CYP27C1: variants seen among roughly 807,000 people sequenced by gnomAD.
The protein encoded by CYP27C1 is cytochrome P450 family 27 subfamily C member 1, also known as cytochrome P450 27C1.
In CYP27C1, 29 loss-of-function variants were observed where a neutral mutation model predicts 40.6. That is an observed-to-expected ratio of 0.71 (90% CI 0.53 to 0.97). CYP27C1 has a LOEUF of 0.97. Ranked by LOEUF, CYP27C1 falls within the 50% of genes least tolerant of loss-of-function variation. The pLI, the probability that CYP27C1 is intolerant of heterozygous loss-of-function variation, is 0.00. For synonymous variants in CYP27C1, 198 were observed against 186.8 expected (o/e 1.06, Z -0.49); for missense variants, 390 against 485.8 (o/e 0.80, Z 1.85).
intron 1 of CYP27C1, among the ~76,000 whole-genome samples, chr2:127,211,241 C>G (rs1441212441): frequency 6.6e-6 from 1 of 152,112 alleles, no homozygotes; most frequent in Non-Finnish European, 1.5e-5. Context: ...AATTGAACAA[C>G]CTGCTCCTGA....
In CYP27C1 at chr2:127,193,140, A is replaced by G. The variant is rs753447517; in HGVS notation, c.1451T>C (p.Ile484Thr). Residue 484 changes from isoleucine (I) to threonine (T), a missense_variant, in exon 8 of 9, where the codon ATA (isoleucine) becomes ACA (threonine). Ile to Thr is a moderately conservative substitution (Grantham distance 89, BLOSUM62 -1). Coordinates refer to ENST00000664447, the MANE Select transcript of CYP27C1 (RefSeq NM_001367502.1). ...IPFGHGVRSCIGRRIAELEIH... is the reference protein window; with the variant it reads ...IPFGHGVRSCTGRRIAELEIH... ...CTCCAGTTCTGCAATTCTCCGCCCTATGCAGCTGCGAACCCCATGACCAAA... is the reference window on the plus strand; with the variant it reads ...CTCCAGTTCTGCAATTCTCCGCCCTGTGCAGCTGCGAACCCCATGACCAAA... 3 of 1,614,172 alleles carry G rather than the reference A, an allele frequency of 1.9e-6. No homozygotes were observed. In the South Asian group the frequency reaches 3.3e-5, roughly 18 times the overall value.
At chr2:127,214,956 G>T (rs754536966) in intron 1 of CYP27C1, among the ~76,000 whole-genome samples, 1 of 151,394 alleles carries the variant, frequency 6.6e-6, no homozygotes, top group Admixed American at 6.6e-5. Flanking sequence ...AGGAAACCCC[G>T]TCTCTACTAA....
At chr2:127,202,998 C>A (rs866256860) in intron 3 of CYP27C1, among the ~76,000 whole-genome samples, 1 of 152,008 alleles carries the variant, frequency 6.6e-6, no homozygotes, top group Admixed American at 6.6e-5. Context: ...GAAACACTGT[C>A]TCTACTAAAA....
At position 127,186,508 on chromosome 2, in the gene CYP27C1, C is replaced by A. The variant is rs781547528; in HGVS notation, c.*763G>T. 1 of 152,002 alleles carries A rather than the reference C, an allele frequency of 6.6e-6. No individual in the cohort carries two copies. The highest frequency in any genetic ancestry group is 1.5e-5 in the Non-Finnish European group (1 of 68,026). 9.4% of individuals were successfully genotyped at this position (152,002 alleles called of 1,614,324 possible). A position where few individuals can be genotyped will look rare whatever the true frequency, so the allele number is the denominator to read the frequency against. ...ACCCAACCTCCTGAGCTCAAACGATCCTCCTGCCTCAGTCTTCCGAGTAAC... is the reference window on the plus strand; with the variant it reads ...ACCCAACCTCCTGAGCTCAAACGATACTCCTGCCTCAGTCTTCCGAGTAAC... On this transcript the variant is annotated 3_prime_UTR_variant, in exon 9 of 9. Transcript: ENST00000664447. This position sits in a 1 kb window ranked among gnomAD's most constrained non-coding sequence, Gnocchi z 4.5.
intron 4 of CYP27C1, among the ~76,000 whole-genome samples, chr2:127,199,825 TATATA>T (rs1682990785): frequency 6.6e-6 from 1 of 152,254 alleles, no homozygotes; most frequent in African/African-American, 2.4e-5. Flanking sequence ...ATAAATTATT[TATATA>T]ATATGAGTAA....
chr2:127,207,167 T>C (rs952550394), intron 1 of CYP27C1, among the ~76,000 whole-genome samples: 1 of 151,942 alleles, frequency 6.6e-6, no homozygotes, highest in Non-Finnish European at 1.5e-5. Flanking sequence ...GAGTTCAAGA[T>C]AAGGTTGGGC....
rs1286058421 is a variant in CYP27C1 at position 127,208,785 on chromosome 2, A to C, written c.283-2695T>G. Among the ~76,000 whole-genome samples the C allele has an allele frequency of 6.6e-6, 1 of 152,170 alleles. No individual in the cohort carries two copies. Among genetic ancestry groups the C allele is most frequent in the Non-Finnish European group, 1.5e-5 (1 of 68,020 alleles). On this transcript the variant is annotated intron_variant, in intron 1 of 8. Transcript: ENST00000664447. The surrounding 1 kb of genome is among the most constrained non-coding windows in gnomAD (Gnocchi z 5.2). ...GTCTAACCCTGATCCATCCTTCCTC[A>C]GTGGCTGGGGATTCCCAGCAGGATC...
rs962143324 is a variant in CYP27C1 at position 127,200,243 on chromosome 2, G to A, written c.884-704C>T. ...GATCCTCCCACCTCGGCCTCCCAAA[G>A]TGCTGGGATTACAGGCGTGAGCCAC... On this transcript the variant is annotated intron_variant, in intron 4 of 8. Transcript: ENST00000664447. This position sits in a 1 kb window ranked among gnomAD's most constrained non-coding sequence, Gnocchi z 4.2. Among the ~76,000 whole-genome samples, 1 of 152,228 alleles carries A rather than the reference G, an allele frequency of 6.6e-6. No homozygotes were observed. The highest frequency in any genetic ancestry group is 1.5e-5 in the Non-Finnish European group (1 of 68,040).
Position 127,200,011 on chromosome 2 carries a change from G to A in CYP27C1, c.884-472C>T, listed in dbSNP as rs1279540306. 1.3e-5 allele frequency among the ~76,000 whole-genome samples: 2 copies of A among 152,212 alleles called. No homozygotes were observed. Among genetic ancestry groups the A allele is most frequent in the East Asian group, 1.9e-4 (1 of 5,184 alleles). On this transcript the variant is annotated intron_variant, in intron 4 of 8. Coordinates refer to ENST00000664447, the MANE Select transcript of CYP27C1 (RefSeq NM_001367502.1). The surrounding 1 kb of genome is among the most constrained non-coding windows in gnomAD (Gnocchi z 4.2). Reference sequence around the variant, plus strand: ...TGTTGTTTCCTTAAGACAGAGGCTCGCTCTGTGGCCCAGGCTGGAGTGCAG... The same window carrying A: ...TGTTGTTTCCTTAAGACAGAGGCTCACTCTGTGGCCCAGGCTGGAGTGCAG...
At chr2:127,216,065 A>G (rs563035257) in intron 1 of CYP27C1, among the ~76,000 whole-genome samples, 3 of 152,336 alleles carry the variant, frequency 2.0e-5, no homozygotes, top group African/African-American at 7.2e-5. Flanking sequence ...ATGTAGAAAA[A>G]TCAGAACCCT....
intron 2 of CYP27C1, among the ~76,000 whole-genome samples, chr2:127,204,552 AGAG>A (rs1558931362): frequency 1.4e-5 from 1 of 71,884 alleles, no homozygotes; most frequent in African/African-American, 5.5e-5. Flanking sequence ...AGAGAGAGAG[AGAG>A]AGAAAGAAAG....
chr2:127,189,621 T>TAATA (rs1682718127), intron 8 of CYP27C1, among the ~76,000 whole-genome samples: 1 of 141,358 alleles, frequency 7.1e-6, no homozygotes, highest in African/African-American at 2.6e-5. Context: ...AAAGTAAAAT[T>TAATA]AAAAAAAAAA....
intron 8 of CYP27C1, 55 bp from the exon 9 acceptor site, chr2:127,187,442 G>A: frequency 6.8e-7 from 1 of 1,475,794 alleles, no homozygotes; most frequent in South Asian, 1.1e-5. Flanking sequence ...AAAATTCTCA[G>A]TGCTCCCTGA....
Position 127,195,648 on chromosome 2 carries a change from A to T in CYP27C1, c.1048-147T>A. The T allele has an allele frequency of 3.0e-6, 2 of 670,436 alleles. No homozygotes were observed. Among genetic ancestry groups the T allele is most frequent in the Non-Finnish European group, 4.8e-6 (2 of 414,730 alleles). 41.5% of individuals were successfully genotyped at this position (670,436 alleles called of 1,614,324 possible). On this transcript the variant is annotated intron_variant, in intron 5 of 8. Transcript: ENST00000664447. The surrounding 1 kb of genome is among the most constrained non-coding windows in gnomAD (Gnocchi z 6.2). ...TCCATATAGCACCTAATGTCTTACT[A>T]AAAACGAAAGACTGTTTCCTTAATT...
intron 1 of CYP27C1, among the ~76,000 whole-genome samples, chr2:127,216,596 G>C (rs1683435330): frequency 6.6e-6 from 1 of 152,096 alleles, no homozygotes; most frequent in Non-Finnish European, 1.5e-5. Context: ...TTCTTTTTGA[G>C]GTCATGAAAA....
At chr2:127,198,537 T>C (rs932705013) in intron 5 of CYP27C1, among the ~76,000 whole-genome samples, 5 of 142,332 alleles carry the variant, frequency 3.5e-5, no homozygotes, top group Non-Finnish European at 6.4e-5. Flanking sequence ...GAAATCATTA[T>C]GCACCTTACA....
At chr2:127,211,361 GTT>G (rs1156982574) in intron 1 of CYP27C1, among the ~76,000 whole-genome samples, 1 of 103,598 alleles carries the variant, frequency 9.7e-6, no homozygotes, top group Non-Finnish European at 1.9e-5. Flanking sequence ...CTAAAGCAGT[GTT>G]TTTTTGTTTT....
rs200533739 is a variant in CYP27C1 at position 127,193,156 on chromosome 2, C to T, written c.1435G>A (p.Gly479Arg). ...DNFGSIPFGH[G>R]VRSCIGRRIA... ...CTCCGCCCTATGCAGCTGCGAACCC[C>T]ATGACCAAAGGGGATGGATCCAAAA... The change falls in exon 8 of 9, where the codon GGG (glycine) becomes AGG (arginine). Residue 479 changes from glycine (G) to arginine (R), a missense_variant. Transcript: ENST00000664447. The T allele has an allele frequency of 6.2e-7, 1 of 1,614,200 alleles. No individual in the cohort carries two copies. The highest frequency in any genetic ancestry group is 2.2e-5 in the East Asian group (1 of 44,890).
chr2:127,195,816 G>A lies in CYP27C1; in HGVS notation c.1048-315C>T, dbSNP rs1279228326. 6.6e-6 allele frequency among the ~76,000 whole-genome samples: 1 copy of A among 152,122 alleles called. No individual in the cohort carries two copies. Among genetic ancestry groups the A allele is most frequent in the South Asian group, 2.1e-4 (1 of 4,822 alleles). ...TAATCACTGAAGAGCAATATGTCAGGGATGCCGTGGAGCCTGGAGGATCTG... is the reference window on the plus strand; with the variant it reads ...TAATCACTGAAGAGCAATATGTCAGAGATGCCGTGGAGCCTGGAGGATCTG... On this transcript the variant is annotated intron_variant, in intron 5 of 8. Transcript: ENST00000664447. This position sits in a 1 kb window ranked among gnomAD's most constrained non-coding sequence, Gnocchi z 6.2.
Sources: allele counts gnomAD v4.1 joint callset (sites outside exome capture counted in the v4.1 genomes callset), GRCh38; gene constraint gnomAD v4.1.1; non-coding constraint Gnocchi (gnomAD v3.1); transcripts MANE v1.5; gene names NCBI Gene and HGNC (gene_info 2026-07-23, HGNC 2026-07-21).